FBXO36: variants seen among roughly 807,000 people sequenced by gnomAD.
FBXO36 encodes F-box protein 36, also known as F-box only protein 36.
FBXO36 carries 18 observed loss-of-function variants against 17.0 expected under a neutral mutation model. That is an observed-to-expected ratio of 1.06 (90% CI 0.73 to 1.57). FBXO36 has a LOEUF of 1.57. FBXO36 is among the 40% of genes most tolerant of loss of function. The probability of loss-of-function intolerance (pLI) is 0.00; values close to 1 mark genes in which losing one functional copy is unlikely to be tolerated. For synonymous variants in FBXO36, 83 were observed against 85.3 expected (o/e 0.97, Z 0.15); for missense variants, 229 against 221.9 (o/e 1.03, Z -0.20).
intron 1 of FBXO36, among the ~76,000 whole-genome samples, chr2:229,970,241 C>T (rs992960050): frequency 6.6e-6 from 1 of 152,058 alleles, no homozygotes. Flanking sequence ...TATTTGGGGC[C>T]GGGTGCAGTG....
intron 2 of FBXO36, among the ~76,000 whole-genome samples, chr2:229,979,105 G>T (rs1359475533): frequency 6.6e-6 from 1 of 151,622 alleles, no homozygotes; most frequent in Non-Finnish European, 1.5e-5. Flanking sequence ...GGGAGGTGGA[G>T]GTTGAAGTGA....
chr2:229,946,021 T>TA (rs879810897), intron 1 of FBXO36, among the ~76,000 whole-genome samples: 1,930 of 125,226 alleles, frequency 0.015, 28 homozygotes, highest in African/African-American at 0.035. Flanking sequence ...AAACTCCATC[T>TA]AAAAAAAAAA....
At chr2:229,922,931 G>A (rs2076806718) in intron 1 of FBXO36, among the ~76,000 whole-genome samples, 1 of 152,188 alleles carries the variant, frequency 6.6e-6, no homozygotes, top group Admixed American at 6.5e-5. Context: ...TCCGGCTTGC[G>A]TGCGGCCTCA....
chr2:229,933,311 C>A (rs1043468434), intron 1 of FBXO36, among the ~76,000 whole-genome samples: 9 of 151,760 alleles, frequency 5.9e-5, no homozygotes, highest in Non-Finnish European at 1.0e-4. Flanking sequence ...TCACTCGAAC[C>A]CAGGTGGTGG....
At chr2:229,963,433 A>G (rs1254228932) in intron 1 of FBXO36, among the ~76,000 whole-genome samples, 1 of 126,346 alleles carries the variant, frequency 7.9e-6, no homozygotes, top group Non-Finnish European at 1.7e-5. Flanking sequence ...TATCCTTTGC[A>G]TTTCTTTTTT....
At chr2:229,944,268 T>G (rs985029299) in intron 1 of FBXO36, among the ~76,000 whole-genome samples, 1 of 152,184 alleles carries the variant, frequency 6.6e-6, no homozygotes, top group African/African-American at 2.4e-5. Flanking sequence ...TTTGAGGAAT[T>G]GAAATGAAAC....
rs1262927937 is a variant in FBXO36, at chr2:229,958,260, T to TC, written c.97-17981_97-17980insC. ...GTTTACAGAGAGCTCTGACTTTCTTTTTTTTTTTTTTTTTTTTTTTTTTTG... is the reference window on the plus strand; with the variant it reads ...GTTTACAGAGAGCTCTGACTTTCTTTCTTTTTTTTTTTTTTTTTTTTTTTTG... On this transcript the variant is annotated intron_variant, in intron 1 of 3. Transcript: ENST00000283946. Among the ~76,000 whole-genome samples, 96 of 92,086 alleles carry TC rather than the reference T, an allele frequency of 1.0e-3. 1 individual carries two copies. The highest frequency in any genetic ancestry group is 2.0e-3 in the Non-Finnish European group (84 of 42,070). 60.4% of individuals were successfully genotyped at this position (92,086 alleles called of 152,430 possible).
chr2:229,962,170 A>G (rs990539181), intron 1 of FBXO36, among the ~76,000 whole-genome samples: 1 of 151,386 alleles, frequency 6.6e-6, no homozygotes, highest in Non-Finnish European at 1.5e-5. Flanking sequence ...GTGACAGAGT[A>G]TCTCAAAAAA....
chr2:229,954,119 C>G (rs2077071424), intron 1 of FBXO36, among the ~76,000 whole-genome samples: 1 of 152,004 alleles, frequency 6.6e-6, no homozygotes. Flanking sequence ...CCACATTGGC[C>G]TCTCAAAGTA....
intron 1 of FBXO36, among the ~76,000 whole-genome samples, chr2:229,965,267 C>G (rs2077145844): frequency 6.6e-6 from 1 of 151,174 alleles, no homozygotes; most frequent in Non-Finnish European, 1.5e-5. Context: ...GGCTGAGCCA[C>G]TGCACCTCGC....
chr2:229,974,675 T>C (rs1211321034), intron 1 of FBXO36, among the ~76,000 whole-genome samples: 1 of 152,098 alleles, frequency 6.6e-6, no homozygotes, highest in African/African-American at 2.4e-5. Context: ...CAACCAAGGA[T>C]TTTGTTGCTT....
At chr2:229,990,793 A>G (rs1335889844) in intron 2 of FBXO36, among the ~76,000 whole-genome samples, 1 of 152,196 alleles carries the variant, frequency 6.6e-6, no homozygotes, top group Non-Finnish European at 1.5e-5. Flanking sequence ...TGTATACCAT[A>G]TGGATTGGTA....
intron 1 of FBXO36, among the ~76,000 whole-genome samples, chr2:229,962,572 G>A (rs1298589119): frequency 6.8e-6 from 1 of 147,506 alleles, no homozygotes; most frequent in Non-Finnish European, 1.5e-5. Flanking sequence ...GTTGCACTGT[G>A]TTATCCATGC....
chr2:230,008,945 A>T (rs1453278710), intron 3 of FBXO36, among the ~76,000 whole-genome samples: 3 of 152,238 alleles, frequency 2.0e-5, no homozygotes, highest in African/African-American at 7.2e-5. Flanking sequence ...CCATTATGTG[A>T]CTATAATAGC....
intron 3 of FBXO36, among the ~76,000 whole-genome samples, chr2:230,004,921 G>A (rs1012456994): frequency 6.6e-6 from 1 of 152,014 alleles, no homozygotes; most frequent in Non-Finnish European, 1.5e-5. Flanking sequence ...CAGGAGAATC[G>A]CTTGAACCCA....
chr2:229,952,976 T>C (rs2077064893), intron 1 of FBXO36, among the ~76,000 whole-genome samples: 1 of 152,128 alleles, frequency 6.6e-6, no homozygotes, highest in South Asian at 2.1e-4. Context: ...TTTTCTCGGG[T>C]TGGGATGGAG....
At chr2:229,941,431 G>A in intron 1 of FBXO36, among the ~76,000 whole-genome samples, 1 of 151,982 alleles carries the variant, frequency 6.6e-6, no homozygotes, top group Non-Finnish European at 1.5e-5. Flanking sequence ...CTCCAGCCTG[G>A]GCAACAGAGC....
At chr2:229,932,909 A>G in intron 1 of FBXO36, 1 of 325,804 alleles carries the variant, frequency 3.1e-6, no homozygotes, top group Non-Finnish European at 6.4e-6. Context: ...CTCTAATAAA[A>G]ACTAAAAATT....
intron 1 of FBXO36, chr2:229,939,340 C>G (rs767568119): frequency 8.2e-5 from 67 of 819,242 alleles, no homozygotes; most frequent in Non-Finnish European, 9.6e-5. Context: ...GTCCTCTCGT[C>G]CCAAGATGAG....
Sources: allele counts gnomAD v4.1 joint callset (sites outside exome capture counted in the v4.1 genomes callset), GRCh38; gene constraint gnomAD v4.1.1; transcripts MANE v1.5; gene names NCBI Gene and HGNC (gene_info 2026-07-23, HGNC 2026-07-21).